Variants in TFB1M observed in about 807,000 individuals in gnomAD.
TFB1M encodes dimethyladenosine transferase 1, mitochondrial.
TFB1M carries 27 observed loss-of-function variants against 31.1 expected under a neutral mutation model. The observed-to-expected ratio is 0.87, with a 90% CI of 0.64 to 1.20. The LOEUF (loss-of-function observed/expected upper bound fraction) is 1.20, where lower values mean the gene tolerates loss of function less well. TFB1M is among the 50% of genes most tolerant of loss of function. TFB1M has a pLI of 0.00. For synonymous variants in TFB1M, 166 were observed against 151.8 expected (o/e 1.09, Z -0.69); for missense variants, 394 against 418.7 (o/e 0.94, Z 0.51).
the TFB1M span, among the ~76,000 whole-genome samples, chr6:155,233,694 C>A: frequency 6.6e-6 from 1 of 152,158 alleles, no homozygotes; most frequent in Non-Finnish European, 1.5e-5. Flanking sequence ...AAAGGCCCGG[C>A]ATGGTGGCTC....
chr6:155,246,662 G>A, the TFB1M span, among the ~76,000 whole-genome samples: 1 of 152,158 alleles, frequency 6.6e-6, no homozygotes, highest in Middle Eastern at 3.4e-3. Flanking sequence ...TTGACAGTCT[G>A]TAGTACAGTG....
intron 5 of TFB1M, among the ~76,000 whole-genome samples, chr6:155,266,157 A>G (rs1273938957): frequency 6.6e-6 from 1 of 152,106 alleles, no homozygotes; most frequent in Non-Finnish European, 1.5e-5. Flanking sequence ...CTTCAATCCA[A>G]TCAAGTTGAC....
downstream of TFB1M, chr6:155,253,177 G>A (rs1783775957): frequency 1.5e-5 from 11 of 742,754 alleles, no homozygotes; most frequent in Non-Finnish European, 2.4e-5. Flanking sequence ...CAAGGAAAAT[G>A]AGGACAAGAG....
chr6:155,305,230 ATATT>A lies in TFB1M; in HGVS notation c.285+5954_285+5957del, dbSNP rs1475962395. On this transcript the variant is annotated intron_variant, in intron 2 of 6. Transcript: ENST00000367166. ...TATTAAATTATATATTTATATATAT[ATATT>A]AAATTATATATTTATATATATATTA... Among the ~76,000 whole-genome samples, 137 of 46,632 alleles carry A rather than the reference ATATT, an allele frequency of 2.9e-3. 1 individual carries two copies. The highest frequency in any genetic ancestry group is 4.3e-3 in the South Asian group (4 of 936). 30.6% of individuals were successfully genotyped at this position (46,632 alleles called of 152,430 possible).
At chr6:155,231,785 A>G in the TFB1M span, among the ~76,000 whole-genome samples, 2 of 152,250 alleles carry the variant, frequency 1.3e-5, no homozygotes, top group Non-Finnish European at 2.9e-5. Flanking sequence ...ACTCAAGAGC[A>G]TCATCTGTGT....
chr6:155,245,614 C>A, the TFB1M span: 3 of 1,608,308 alleles, frequency 1.9e-6, no homozygotes, highest in Non-Finnish European at 2.6e-6. Flanking sequence ...TTCCCCTCTG[C>A]CCTTCTAGAA....
At chr6:155,310,359 T>C (rs1239699897) in intron 2 of TFB1M, among the ~76,000 whole-genome samples, 2 of 152,226 alleles carry the variant, frequency 1.3e-5, no homozygotes, top group Non-Finnish European at 2.9e-5. Flanking sequence ...ACAAGATCCC[T>C]GATACAATCT....
chr6:155,247,995 T>C, the TFB1M span: 1 of 1,613,220 alleles, frequency 6.2e-7, no homozygotes, highest in East Asian at 2.2e-5. Context: ...TCCATCTGCT[T>C]GTAGCTAAAA....
chr6:155,231,414 A>T, the TFB1M span, among the ~76,000 whole-genome samples: 1 of 152,346 alleles, frequency 6.6e-6, no homozygotes, highest in African/African-American at 2.4e-5. Flanking sequence ...TAAAAATTTC[A>T]TACAATTTCC....
intron 5 of TFB1M, among the ~76,000 whole-genome samples, chr6:155,265,829 T>TC (rs952442567): frequency 1.3e-5 from 2 of 150,426 alleles, no homozygotes; most frequent in African/African-American, 4.9e-5. Context: ...ACTCACATGA[T>TC]CACAAGGTCC....
intron 3 of TFB1M, 31 bp from the exon 4 acceptor site, chr6:155,297,135 G>T: frequency 6.2e-7 from 1 of 1,605,294 alleles, no homozygotes; most frequent in South Asian, 1.1e-5. Flanking sequence ...AACCTGAAAT[G>T]ATTCCATCAA....
intron 2 of TFB1M, among the ~76,000 whole-genome samples, chr6:155,301,631 CTTCT>C (rs1369027629): frequency 1.3e-5 from 2 of 152,198 alleles, no homozygotes; most frequent in African/African-American, 4.8e-5. Flanking sequence ...CTCTCAAACT[CTTCT>C]TTCATTTTTA....
At chr6:155,276,195 AACC>A (rs1785202358) in intron 5 of TFB1M, 1 of 1,614,010 alleles carries the variant, frequency 6.2e-7, no homozygotes, top group Non-Finnish European at 8.5e-7. Flanking sequence ...AACAAACATG[AACC>A]TGGAGGAGCT....
intron 5 of TFB1M, among the ~76,000 whole-genome samples, chr6:155,270,770 G>C (rs1324283176): frequency 2.0e-5 from 3 of 152,156 alleles, no homozygotes; most frequent in Non-Finnish European, 4.4e-5. Flanking sequence ...GGCGACCAGC[G>C]AAACAAGCCA....
chr6:155,250,488 A>G, the TFB1M span: 1 of 1,421,100 alleles, frequency 7.0e-7, no homozygotes, highest in Non-Finnish European at 9.6e-7. Flanking sequence ...AAAGGACTGG[A>G]GATCAGTCCT....
intron 5 of TFB1M, among the ~76,000 whole-genome samples, chr6:155,265,297 G>A (rs1466214654): frequency 2.0e-5 from 3 of 152,256 alleles, no homozygotes; most frequent in East Asian, 3.8e-4. Flanking sequence ...GGACCTCAGA[G>A]AGGCTCTCAA....
At chr6:155,287,548 C>CTCAGTGTG (rs1421340053) in intron 4 of TFB1M, among the ~76,000 whole-genome samples, 38 of 64,714 alleles carry the variant, frequency 5.9e-4, no homozygotes, top group Admixed American at 2.2e-3. Context: ...ATCATTTACT[C>CTCAGTGTG]TGAGTGTGTG....
chr6:155,234,936 C>G, the TFB1M span, among the ~76,000 whole-genome samples: 1 of 152,004 alleles, frequency 6.6e-6, no homozygotes, highest in East Asian at 1.9e-4. Flanking sequence ...TGCTAAATAC[C>G]TGGGAGTGGC....
chr6:155,247,958 C>T, the TFB1M span: 1 of 1,572,868 alleles, frequency 6.4e-7, no homozygotes, highest in Non-Finnish European at 8.7e-7. Flanking sequence ...TTTAATTCAC[C>T]CCACTGTGCT....
Sources: gnomAD v4.1 joint callset for allele counts (sites outside exome capture counted in the v4.1 genomes callset) on GRCh38, gnomAD v4.1.1 for gene constraint, MANE v1.5 for transcripts, NCBI Gene and HGNC (gene_info 2026-07-23, HGNC 2026-07-21) for gene names.